CCDC171: variants seen among roughly 807,000 people sequenced by gnomAD.
CCDC171 encodes coiled-coil domain-containing protein 171.
CCDC171 carries 177 observed loss-of-function variants against 168.2 expected under a neutral mutation model. The ratio of observed to expected loss-of-function variants is 1.05; its 90% CI spans 0.93 to 1.19. CCDC171 has a LOEUF of 1.19. CCDC171 is among the 50% of genes most tolerant of loss of function. The probability of loss-of-function intolerance (pLI) is 0.00; values close to 1 mark genes in which losing one functional copy is unlikely to be tolerated. For missense variants in CCDC171, 1,991 were observed against 1,539.0 expected, an observed-to-expected ratio of 1.29 and a Z score of -4.91; for synonymous variants, 687 against 540.8, an observed-to-expected ratio of 1.27 and a Z score of -3.75.
intron 21 of CCDC171, among the ~76,000 whole-genome samples, chr9:15,810,718 C>T (rs909669505): frequency 5.3e-5 from 8 of 152,214 alleles, no homozygotes; most frequent in African/African-American, 1.2e-4. Flanking sequence ...GCCGAGCCCA[C>T]GCCCACCCGG....
At chr9:15,702,236 A>C (rs902620812) in intron 11 of CCDC171, among the ~76,000 whole-genome samples, 4 of 152,068 alleles carry the variant, frequency 2.6e-5, no homozygotes, top group African/African-American at 9.7e-5. Flanking sequence ...AGCTGTTCCA[A>C]CTTGTCATCC....
intron 6 of CCDC171, among the ~76,000 whole-genome samples, chr9:15,600,102 G>A (rs1211290840): frequency 1.3e-5 from 2 of 152,130 alleles, no homozygotes. Context: ...CTTTAGCTCG[G>A]AGTAGTTTGA....
At chr9:15,853,702 A>G (rs1389867391) in intron 23 of CCDC171, among the ~76,000 whole-genome samples, 7 of 151,594 alleles carry the variant, frequency 4.6e-5, no homozygotes, top group Admixed American at 2.6e-4. Flanking sequence ...TTGGTCTTAC[A>G]CCATTAAGCA....
At chr9:16,022,360 A>G (rs1296818144) in exon 5 of CCDC171, 1 of 152,242 alleles carries the variant, frequency 6.6e-6, no homozygotes, top group Non-Finnish European at 1.5e-5. Flanking sequence ...ATGTCTGCAG[A>G]GAAGGAAGCA....
At chr9:16,064,321 T>C (rs1833968289), downstream of CCDC171, among the ~76,000 whole-genome samples, 1 of 152,172 alleles carries the variant, frequency 6.6e-6, no homozygotes, top group Admixed American at 6.5e-5. Context: ...CATTCATCTA[T>C]GAAGATGGCC....
intron 6 of CCDC171, among the ~76,000 whole-genome samples, chr9:15,599,869 ACTTCT>A (rs1184772649): frequency 3.3e-5 from 5 of 151,766 alleles, no homozygotes; most frequent in Non-Finnish European, 7.4e-5. Context: ...TTTTCTCTAA[ACTTCT>A]CTTCTCACTT....
At chr9:15,774,098 T>C (rs1207658077) in intron 18 of CCDC171, among the ~76,000 whole-genome samples, 3 of 151,588 alleles carry the variant, frequency 2.0e-5, no homozygotes, top group African/African-American at 7.3e-5. Context: ...ATATAAAAAT[T>C]AGCTGGGTGT....
chr9:15,657,198 A>T lies in CCDC171; in HGVS notation c.894A>T (p.Lys298Asn), dbSNP rs2132950656. 1 of 1,608,790 alleles carries T rather than the reference A, an allele frequency of 6.2e-7. No individual in the cohort carries two copies. The highest frequency in any genetic ancestry group is 2.2e-5 in the East Asian group (1 of 44,776). ...AAAGAGCAGCGCATTTGGAATCAAA[A>T]TTTAATTCTGAAATTATTCAGGTAA... ...EAERAAHLES[K>N]FNSEIIQLRI... The change falls in exon 8 of 26, where the codon AAA (lysine) becomes AAT (asparagine). Residue 298 changes from lysine (K) to asparagine (N), a missense_variant. By Grantham distance (94) the Lys-to-Asn change is moderately conservative. Coordinates refer to ENST00000380701, the MANE Select transcript of CCDC171 (RefSeq NM_173550.4).
chr9:15,588,853 G>C (rs983987141), intron 4 of CCDC171, among the ~76,000 whole-genome samples: 1 of 151,820 alleles, frequency 6.6e-6, no homozygotes, highest in Non-Finnish European at 1.5e-5. Context: ...GACTACAGGT[G>C]CCCGCCACCA....
chr9:15,812,910 T>C (rs2059416986), intron 21 of CCDC171, among the ~76,000 whole-genome samples: 1 of 152,224 alleles, frequency 6.6e-6, no homozygotes, highest in South Asian at 2.1e-4. Flanking sequence ...GTTGCTGTAC[T>C]ATGAGGACCT....
chr9:16,038,887 T>TAAAGAA (rs1833524371), upstream of CCDC171, among the ~76,000 whole-genome samples: 1 of 105,206 alleles, frequency 9.5e-6, no homozygotes, highest in African/African-American at 3.1e-5. Context: ...AAAAAAAAGC[T>TAAAGAA]GAATATAGTT....
intron 9 of CCDC171, among the ~76,000 whole-genome samples, chr9:15,677,579 C>A (rs1161176317): frequency 3.3e-5 from 5 of 151,726 alleles, no homozygotes; most frequent in African/African-American, 9.7e-5. Context: ...ACAGTGACAA[C>A]ATTTAAATTT....
the CCDC171 span, among the ~76,000 whole-genome samples, chr9:16,095,902 T>G: frequency 3.1e-5 from 3 of 95,992 alleles, no homozygotes; most frequent in Admixed American, 9.8e-5. Context: ...ATATATATAC[T>G]GCCTCCAACA....
chr9:15,961,767 G>A (rs894431312), intron 25 of CCDC171, among the ~76,000 whole-genome samples: 6 of 151,910 alleles, frequency 3.9e-5, no homozygotes, highest in African/African-American at 1.5e-4. Context: ...TTAATAAAGG[G>A]TTTTTAGCTA....
At chr9:15,620,939 T>C (rs897118397) in intron 6 of CCDC171, among the ~76,000 whole-genome samples, 1 of 152,040 alleles carries the variant, frequency 6.6e-6, no homozygotes. Context: ...GGTTAGCATT[T>C]TTTTTTTTAG....
At chr9:15,586,489 GA>G (rs1451263993) in intron 4 of CCDC171, among the ~76,000 whole-genome samples, 1 of 152,172 alleles carries the variant, frequency 6.6e-6, no homozygotes, top group Non-Finnish European at 1.5e-5. Context: ...CAGGAGTGGG[GA>G]AAACCGAAAG....
At chr9:15,697,182 G>C (rs973704391) in intron 11 of CCDC171, among the ~76,000 whole-genome samples, 2 of 152,188 alleles carry the variant, frequency 1.3e-5, no homozygotes, top group Non-Finnish European at 2.9e-5. Flanking sequence ...TGCTTCCTCT[G>C]CTCCACTGCA....
chr9:15,594,345 A>G (rs1012391683), intron 6 of CCDC171, among the ~76,000 whole-genome samples, 173 bp downstream of exon 6: 3 of 152,164 alleles, frequency 2.0e-5, no homozygotes, highest in African/African-American at 7.2e-5. Flanking sequence ...TTACCAACAG[A>G]TACCATTAGT....
intron 18 of CCDC171, among the ~76,000 whole-genome samples, chr9:15,759,462 A>G (rs1045362740): frequency 6.6e-6 from 1 of 152,150 alleles, no homozygotes. Flanking sequence ...TTCAGATCCC[A>G]TTAAACTTTC....
Sources: allele counts gnomAD v4.1 joint callset (sites outside exome capture counted in the v4.1 genomes callset), GRCh38; gene constraint gnomAD v4.1.1; transcripts MANE v1.5; gene names NCBI Gene and HGNC (gene_info 2026-07-23, HGNC 2026-07-21).